The following CDC45 variants were observed in gnomAD, a reference collection of about 807,000 sequenced individuals.
CDC45 encodes cell division control protein 45 homolog.
Under a neutral mutation model 77.8 loss-of-function variants are expected in CDC45, and 54 were observed. That is an observed-to-expected ratio of 0.69 (90% CI 0.56 to 0.87). The LOEUF (loss-of-function observed/expected upper bound fraction) is 0.87, where lower values mean the gene tolerates loss of function less well. Ranked by LOEUF, CDC45 falls within the 40% of genes least tolerant of loss-of-function variation. The pLI is 0.00. For synonymous variants in CDC45, 260 were observed against 272.1 expected, an observed-to-expected ratio of 0.96 and a Z score of 0.44; for missense variants, 649 against 721.6, an observed-to-expected ratio of 0.90 and a Z score of 1.15.
chr22:19,484,651 C>G (rs1199809955), intron 5 of CDC45, among the ~76,000 whole-genome samples: 1 of 152,186 alleles, frequency 6.6e-6, no homozygotes. Context: ...TAGAATTTGC[C>G]CCCGTAATGT....
At chr22:19,500,637 A>G (rs1601955381) in intron 9 of CDC45, among the ~76,000 whole-genome samples, 1 of 152,144 alleles carries the variant, frequency 6.6e-6, no homozygotes, top group East Asian at 1.9e-4. Flanking sequence ...CCAAGAGTGC[A>G]GTTTGTACAC....
At position 19,514,909 on chromosome 22, in the gene CDC45, A is replaced by AG. The variant is rs1252538835; in HGVS notation, c.1356+24dup. 6 of 1,614,094 alleles carry AG rather than the reference A, an allele frequency of 3.7e-6. No homozygotes were observed. The African/African-American group carries it at 8.0e-5, about 22-fold the overall frequency. ...GGAGGTCAGGCTTCCCACAGAGCACAGGCGCCTGGTCACAGCACCAGTGGC... is the reference window on the plus strand; with the variant it reads ...GGAGGTCAGGCTTCCCACAGAGCACAGGGCGCCTGGTCACAGCACCAGTGGC... On this transcript the variant is annotated intron_variant, in intron 14 of 18. Coordinates refer to ENST00000263201, the MANE Select transcript of CDC45 (RefSeq NM_003504.5).
At chr22:19,511,918 G>GTT (rs34362795) in intron 13 of CDC45, among the ~76,000 whole-genome samples, 10 of 108,724 alleles carry the variant, frequency 9.2e-5, no homozygotes, top group East Asian at 5.0e-4. Context: ...TTCACTGGAG[G>GTT]TTTTTTTTTT....
intron 5 of CDC45, among the ~76,000 whole-genome samples, chr22:19,491,042 G>A (rs1268433680): frequency 2.0e-5 from 3 of 151,694 alleles, no homozygotes; most frequent in East Asian, 3.9e-4. Flanking sequence ...GGCCAGGTTC[G>A]TCTCAAACTC....
chr22:19,481,892 G>A (rs1379445164), intron 3 of CDC45, among the ~76,000 whole-genome samples: 3 of 151,986 alleles, frequency 2.0e-5, no homozygotes, highest in East Asian at 3.9e-4. Context: ...GGCTGGTCTC[G>A]AACTCCTGAC....
intron 15 of CDC45, among the ~76,000 whole-genome samples, chr22:19,515,487 C>A (rs1294398676): frequency 2.0e-5 from 3 of 152,192 alleles, no homozygotes; most frequent in African/African-American, 7.2e-5. Flanking sequence ...GGCTTTAGGG[C>A]AGGGGTCCTC....
Position 19,505,121 on chromosome 22 carries a change from G to A in CDC45, c.705-241G>A, listed in dbSNP as rs2073761. The A allele has an allele frequency of 0.48, 253,114 of 530,174 alleles. 64,633 individuals carry two copies. Among genetic ancestry groups the A allele is most frequent in the South Asian group, 0.6 (29,548 of 49,044 alleles). 32.8% of individuals were successfully genotyped at this position (530,174 alleles called of 1,614,324 possible). On this transcript the variant is annotated intron_variant, in intron 9 of 18. Transcript: ENST00000263201. ...TGCGGTGCCCATTCTCAGGAGGTGT[G>A]AGACCCATGAGGACCGGAGGTGGAC...
At chr22:19,507,559 C>A (rs756646266) in intron 11 of CDC45, 42 bp downstream of exon 11, 1 of 1,609,382 alleles carries the variant, frequency 6.2e-7, no homozygotes, top group Non-Finnish European at 8.5e-7. Context: ...GCCCTGGCCA[C>A]CCCCAAGGGA....
intron 8 of CDC45, 139 bp from the exon 9 acceptor site, chr22:19,498,961 CA>C (rs779039038): frequency 6.8e-6 from 6 of 880,040 alleles, no homozygotes; most frequent in Non-Finnish European, 1.1e-5. Context: ...CTGACTGAGG[CA>C]AGCCAGGGTC....
At chr22:19,484,030 T>C (rs1342026803) in intron 5 of CDC45, 25 bp downstream of exon 5, 1 of 1,575,558 alleles carries the variant, frequency 6.3e-7, no homozygotes, top group Admixed American at 2.1e-5. Flanking sequence ...CTCACAGCTA[T>C]CCCAGAGGAA....
At chr22:19,482,579 G>A (rs2089999907) in intron 3 of CDC45, 111 bp from the exon 4 acceptor site, 7 of 1,202,444 alleles carry the variant, frequency 5.8e-6, no homozygotes, top group Admixed American at 4.5e-5. Context: ...CGTGGGCCTC[G>A]CCACATGTCA....
intron 15 of CDC45, among the ~76,000 whole-genome samples, chr22:19,516,061 G>C (rs1009683120): frequency 3.3e-5 from 5 of 152,020 alleles, no homozygotes; most frequent in African/African-American, 4.8e-5. Context: ...GTGCCGGCGG[G>C]GGGGACGAGG....
At chr22:19,498,357 T>C (rs919905532) in intron 8 of CDC45, among the ~76,000 whole-genome samples, 1 of 152,246 alleles carries the variant, frequency 6.6e-6, no homozygotes, top group Non-Finnish European at 1.5e-5. Context: ...TTGCTAGGCA[T>C]CCTTGCAGTC....
At chr22:19,507,353 G>A (rs1343799248) in intron 10 of CDC45, 33 bp from the exon 11 acceptor site, 5 of 1,606,902 alleles carry the variant, frequency 3.1e-6, no homozygotes, top group African/African-American at 1.3e-5. Context: ...GGCGGCCAGT[G>A]GGTGCTTGCA....
Position 19,519,957 on chromosome 22 carries a change from C to T in CDC45, c.*2-524C>T, listed in dbSNP as rs1934020775. 2.0e-5 allele frequency among the ~76,000 whole-genome samples: 3 copies of T among 152,338 alleles called. No homozygotes were observed. In the South Asian group the frequency reaches 6.2e-4, roughly 32 times the overall value. The stretch of plus-strand genomic sequence containing the variant: ...AATCAGGCTTAGCCTGTTTCCTCAT[C>T]CAAAAATGGGGCCCACTCTCTCCTT... On this transcript the variant is annotated intron_variant, in intron 18 of 18. Transcript: ENST00000263201.
At chr22:19,487,105 C>A (rs1201174442) in intron 5 of CDC45, among the ~76,000 whole-genome samples, 1 of 151,830 alleles carries the variant, frequency 6.6e-6, no homozygotes, top group African/African-American at 2.4e-5. Context: ...ACCAGCCTGA[C>A]CAACATGGAG....
chr22:19,504,350 A>G (rs1376655316), intron 9 of CDC45, among the ~76,000 whole-genome samples: 1 of 152,188 alleles, frequency 6.6e-6, no homozygotes, highest in African/African-American at 2.4e-5. Context: ...CCCAGGCTGC[A>G]GTGCAATGGC....
At chr22:19,482,941 C>A in intron 4 of CDC45, 114 bp downstream of exon 4, 1 of 896,786 alleles carries the variant, frequency 1.1e-6, no homozygotes. Flanking sequence ...CTGGGAACAG[C>A]CTGAACACAA....
rs2090023391 is a variant in CDC45 at position 19,483,864 on chromosome 22, C to T, written c.345C>T (p.Ile115=). 1.2e-6 allele frequency: 2 copies of T among 1,611,452 alleles called. No homozygotes were observed. The highest frequency in any genetic ancestry group is 1.7e-6 in the Non-Finnish European group (2 of 1,179,162). Residue 115 remains isoleucine (I), a splice_region_variant and synonymous_variant, in exon 5 of 19, where the codon ATC becomes ATT. Transcript: ENST00000263201. Reference sequence around the variant, plus strand: ...ATTCCTTTTTGTTTTGAACTTAGATCAAATTACTCATTAAACAAGATGATG... The same window carrying T: ...ATTCCTTTTTGTTTTGAACTTAGATTAAATTACTCATTAAACAAGATGATG... ...NVVNVYNDTQ[I]KLLIKQDDDL...
Sources: gnomAD v4.1 joint callset for allele counts (sites outside exome capture counted in the v4.1 genomes callset) on GRCh38, gnomAD v4.1.1 for gene constraint, MANE v1.5 for transcripts, NCBI Gene and HGNC (gene_info 2026-07-23, HGNC 2026-07-21) for gene names.